The following CSMD1 variants were observed in gnomAD, a reference collection of about 807,000 sequenced individuals.
CSMD1 encodes CUB and Sushi multiple domains 1, also known as CUB and sushi domain-containing protein 1.
CSMD1 carries 213 observed loss-of-function variants against 417.5 expected under a neutral mutation model. The observed-to-expected ratio is 0.51, with a 90% CI of 0.46 to 0.57. The LOEUF (loss-of-function observed/expected upper bound fraction) is 0.57, where lower values mean the gene tolerates loss of function less well. CSMD1 is among the 20% of genes least tolerant of loss of function. The pLI is 0.00. For synonymous variants in CSMD1, 2,862 were observed against 1,736.8 expected (o/e 1.65, Z -16.11); for missense variants, 6,923 against 4,529.7 (o/e 1.53, Z -15.17).
intron 3 of CSMD1, among the ~76,000 whole-genome samples, chr8:4,303,348 T>C (rs926999645): frequency 1.1e-4 from 16 of 151,432 alleles, no homozygotes; most frequent in Non-Finnish European, 2.4e-4. Context: ...AATTAGCATC[T>C]TCCATCACCA....
intron 3 of CSMD1, among the ~76,000 whole-genome samples, chr8:4,035,489 C>T (rs965119711): frequency 5.3e-5 from 8 of 152,176 alleles, no homozygotes; most frequent in African/African-American, 1.9e-4. Flanking sequence ...ATGAAAGCTC[C>T]ATACCTGTCC....
At chr8:4,628,005 T>A (rs1802223127) in intron 2 of CSMD1, among the ~76,000 whole-genome samples, 1 of 146,138 alleles carries the variant, frequency 6.8e-6, no homozygotes, top group African/African-American at 2.5e-5. Flanking sequence ...TAAAAAAAAA[T>A]GTCTCTAGAT....
At chr8:3,584,520 A>C (rs891425418) in intron 9 of CSMD1, among the ~76,000 whole-genome samples, 2 of 142,214 alleles carry the variant, frequency 1.4e-5, no homozygotes, top group African/African-American at 4.9e-5. Context: ...GCTGTTTCCT[A>C]AGTGATAAGC....
At chr8:4,819,257 A>G (rs912663310) in intron 1 of CSMD1, among the ~76,000 whole-genome samples, 1 of 152,204 alleles carries the variant, frequency 6.6e-6, no homozygotes, top group Non-Finnish European at 1.5e-5. Context: ...TTTTACAATT[A>G]ACAAAAACAA....
chr8:4,584,590 C>T lies in CSMD1; in HGVS notation c.302+52752G>A, dbSNP rs147443772. ...CTTTTCCTGTACTTCTGGGCTGAGC[C>T]GAGGGTCTACAGAGAGGAAAGCCAT... On this transcript the variant is annotated intron_variant, in intron 2 of 69. Transcript: ENST00000635120. Among the ~76,000 whole-genome samples the T allele has an allele frequency of 1.1e-3, 174 of 152,162 alleles. 1 individual carries two copies. In the East Asian group the frequency reaches 0.03, roughly 27 times the overall value.
At chr8:4,761,836 CATCT>C (rs72078338) in intron 1 of CSMD1, among the ~76,000 whole-genome samples, 4,643 of 118,722 alleles carry the variant, frequency 0.039, 127 homozygotes, top group Middle Eastern at 0.065. Context: ...TAGTACCATG[CATCT>C]ATCTATCTAT....
At chr8:3,333,426 C>G (rs1481815876) in intron 23 of CSMD1, among the ~76,000 whole-genome samples, 1 of 152,264 alleles carries the variant, frequency 6.6e-6, no homozygotes, top group East Asian at 1.9e-4. Context: ...GTGGGAAAAA[C>G]AAACACTGCT....
At chr8:3,712,426 C>G (rs201498680) in intron 6 of CSMD1, among the ~76,000 whole-genome samples, 59 of 137,758 alleles carry the variant, frequency 4.3e-4, no homozygotes, top group African/African-American at 1.1e-3. Flanking sequence ...GACAGACAGA[C>G]AGACAGACAG....
chr8:3,569,850 G>C (rs1352078833), intron 10 of CSMD1, among the ~76,000 whole-genome samples: 1 of 152,012 alleles, frequency 6.6e-6, no homozygotes, highest in African/African-American at 2.4e-5. Context: ...TTGGTTGTGC[G>C]GGTATGTCAA....
At chr8:3,646,015 A>G (rs1797553618) in intron 7 of CSMD1, among the ~76,000 whole-genome samples, 1 of 151,898 alleles carries the variant, frequency 6.6e-6, no homozygotes, top group African/African-American at 2.4e-5. Flanking sequence ...CTGTTATAGC[A>G]TTAACAAAAA....
chr8:3,011,867 A>T (rs1201064647), intron 52 of CSMD1, among the ~76,000 whole-genome samples: 1 of 152,258 alleles, frequency 6.6e-6, no homozygotes, highest in African/African-American at 2.4e-5. Flanking sequence ...TGGTTTAAGC[A>T]AACTACCGCA....
intron 3 of CSMD1, among the ~76,000 whole-genome samples, chr8:4,261,434 C>G (rs547135541): frequency 1.4e-3 from 210 of 152,224 alleles, no homozygotes; most frequent in African/African-American, 4.8e-3. Context: ...GAATAATTGT[C>G]AAAGTTTACA....
intron 50 of CSMD1, among the ~76,000 whole-genome samples, chr8:3,047,200 T>A (rs181992509): frequency 9.8e-6 from 1 of 102,200 alleles, no homozygotes; most frequent in African/African-American, 4.2e-5. Flanking sequence ...GGCAACAGTA[T>A]AAGACTCCCT....
At chr8:4,360,606 C>A (rs1169991300) in intron 3 of CSMD1, among the ~76,000 whole-genome samples, 1 of 151,996 alleles carries the variant, frequency 6.6e-6, no homozygotes, top group African/African-American at 2.4e-5. Flanking sequence ...TCTCCTGCCT[C>A]AGCCTCCAGA....
At position 3,473,023 on chromosome 8, in the gene CSMD1, C is replaced by G. The variant is rs533323263; in HGVS notation, c.1449-4199G>C. On this transcript the variant is annotated intron_variant, in intron 11 of 69. Transcript: ENST00000635120. ...AGGCTCCTAACTCTGTCTCCTGGTT[C>G]TGGCATTTCATCTCCCCTAGACATT... Among the ~76,000 whole-genome samples the G allele has an allele frequency of 2.1e-3, 320 of 152,190 alleles. 1 individual carries two copies. Among genetic ancestry groups the G allele is most frequent in the Non-Finnish European group, 3.2e-3 (215 of 68,002 alleles).
chr8:3,557,483 T>G (rs1244468958), intron 10 of CSMD1, among the ~76,000 whole-genome samples: 1 of 152,030 alleles, frequency 6.6e-6, no homozygotes, highest in Non-Finnish European at 1.5e-5. Flanking sequence ...AAAAGATAAT[T>G]TAAACAACAT....
chr8:4,775,980 G>C (rs80086029), intron 1 of CSMD1, among the ~76,000 whole-genome samples: 1,559 of 152,276 alleles, frequency 0.01, 12 homozygotes, highest in East Asian at 0.049. Context: ...GAGACGGAGG[G>C]AACAGCAACC....
intron 26 of CSMD1, among the ~76,000 whole-genome samples, chr8:3,244,148 A>C (rs1380434778): frequency 6.6e-6 from 1 of 152,212 alleles, no homozygotes; most frequent in Admixed American, 6.5e-5. Flanking sequence ...ACGTGAAGGA[A>C]AGCTGTTGGG....
chr8:4,829,990 C>G (rs1387124739), intron 1 of CSMD1, among the ~76,000 whole-genome samples: 1 of 152,170 alleles, frequency 6.6e-6, no homozygotes, highest in East Asian at 1.9e-4. Flanking sequence ...GACAGCTTGT[C>G]TTTCCGTGCT....
Sources: gnomAD v4.1 joint callset for allele counts (sites outside exome capture counted in the v4.1 genomes callset) on GRCh38, gnomAD v4.1.1 for gene constraint, MANE v1.5 for transcripts, NCBI Gene and HGNC (gene_info 2026-07-23, HGNC 2026-07-21) for gene names.